The following TMPRSS11E variants were observed in gnomAD, a reference collection of about 807,000 sequenced individuals.
TMPRSS11E encodes the protein transmembrane serine protease 11E.
A neutral mutation model predicts 48.1 loss-of-function variants in TMPRSS11E; 38 were observed. The observed-to-expected ratio is 0.79, with a 90% confidence interval of 0.61 to 1.04. TMPRSS11E has a LOEUF of 1.04. Ranked by LOEUF, TMPRSS11E falls within the 50% of genes least tolerant of loss-of-function variation. The pLI is 0.00. For missense variants in TMPRSS11E, 530 were observed against 510.8 expected (o/e 1.04, Z -0.36); for synonymous variants, 158 against 171.9 (o/e 0.92, Z 0.63).
In TMPRSS11E at chr4:68,461,949, A is replaced by C. The variant is rs772147596; in HGVS notation, c.136+4A>C. ...ACTGTTCATTATGTGAGATATAGTA[A>C]GTATAAGCTGCCTTGGCATCATGTG... On this transcript the variant is annotated splice_donor_region_variant and intron_variant, in intron 2 of 9. Coordinates refer to ENST00000305363, the MANE Select transcript of TMPRSS11E (RefSeq NM_014058.4). The C allele has an allele frequency of 2.6e-5, 42 of 1,613,988 alleles. No homozygotes were observed. The highest frequency in any genetic ancestry group is 1.3e-4 in the Admixed American group (8 of 59,988).
chr4:68,455,228 C>A (rs979557138), intron 1 of TMPRSS11E, among the ~76,000 whole-genome samples: 2 of 151,726 alleles, frequency 1.3e-5, no homozygotes, highest in Non-Finnish European at 2.9e-5. Context: ...TGAAAAATTG[C>A]CTGAAGTCTG....
chr4:68,448,744 G>A (rs1269109426), intron 1 of TMPRSS11E, among the ~76,000 whole-genome samples: 2 of 151,610 alleles, frequency 1.3e-5, no homozygotes, highest in Non-Finnish European at 3.0e-5. Context: ...ATCTCTCATG[G>A]AAAAAACCAA....
chr4:68,477,533 A>G lies in TMPRSS11E; in HGVS notation c.872A>G (p.Asn291Ser), dbSNP rs745486335. 6.2e-7 allele frequency: 1 copy of G among 1,614,108 alleles called. No individual in the cohort carries two copies. Among genetic ancestry groups the G allele is most frequent in the Non-Finnish European group, 8.5e-7 (1 of 1,179,956 alleles). The change falls in exon 8 of 10, where the codon AAT becomes AGT. Residue 291 changes from asparagine (N) to serine (S), a missense_variant. Coordinates refer to ENST00000305363, the MANE Select transcript of TMPRSS11E (RefSeq NM_014058.4). ...CTTTCTAGCCCTGTTCCCTACACAA[A>G]TGCAGTACATAGAGTTTGTCTCCCT... ...AELSSPVPYT[N>S]AVHRVCLPDA...
At chr4:68,478,211 A>G (rs1457239902) in intron 8 of TMPRSS11E, among the ~76,000 whole-genome samples, 2 of 142,782 alleles carry the variant, frequency 1.4e-5, no homozygotes, top group Non-Finnish European at 3.0e-5. Context: ...GCAGAAGTGC[A>G]ATGGTGCGAT....
At chr4:68,494,922 T>TG (rs1729825991) in intron 9 of TMPRSS11E, among the ~76,000 whole-genome samples, 1 of 152,208 alleles carries the variant, frequency 6.6e-6, no homozygotes, top group Non-Finnish European at 1.5e-5. Context: ...TACATCTCTC[T>TG]GGGGAGGGAG....
intron 1 of TMPRSS11E, among the ~76,000 whole-genome samples, chr4:68,458,030 A>C (rs1294193788): frequency 6.6e-6 from 1 of 152,160 alleles, no homozygotes; most frequent in Non-Finnish European, 1.5e-5. Flanking sequence ...GTGTATACCT[A>C]TGTAACACAC....
At position 68,477,429 on chromosome 4, in the gene TMPRSS11E, G is replaced by T. The variant is rs1729254512; in HGVS notation, c.768G>T (p.Met256Ile). 1.2e-6 allele frequency: 2 copies of T among 1,614,042 alleles called. No individual in the cohort carries two copies. The highest frequency in any genetic ancestry group is 1.3e-5 in the African/African-American group (1 of 75,022). Residue 256 changes from methionine to isoleucine, a missense_variant, in exon 8 of 10, where the codon ATG becomes ATT. Transcript: ENST00000305363. Reference sequence around the variant, plus strand: ...GAGTAACAATAAAACCTTCGAAAATGAAACGGGGTCTCCGGAGAATAATTG... The same window carrying T: ...GAGTAACAATAAAACCTTCGAAAATTAAACGGGGTCTCCGGAGAATAATTG... ...SFGVTIKPSK[M>I]KRGLRRIIVH... is the part of the protein sequence containing the mutation.
At chr4:68,461,775 G>A in intron 1 of TMPRSS11E, 46 bp from the exon 2 acceptor site, 1 of 1,613,064 alleles carries the variant, frequency 6.2e-7, no homozygotes. Context: ...ATGAGTGGAT[G>A]TGTTGCATGC....
At position 68,471,594 on chromosome 4, in the gene TMPRSS11E, A is replaced by C. The variant is rs763277948; in HGVS notation, c.461A>C (p.Lys154Thr). ...CTGCAAGATGCTGTAGGACCCCCTA[A>C]AGTAGATCCTCACTCAGTTAAAATT... is the stretch of plus-strand genomic sequence containing the variant. ...EKLQDAVGPP[K>T]VDPHSVKIKK... Residue 154 changes from lysine to threonine, a missense_variant, in exon 5 of 10, where the codon AAA becomes ACA. Transcript: ENST00000305363. 1.2e-6 allele frequency: 2 copies of C among 1,600,494 alleles called. No homozygotes were observed. The highest frequency in any genetic ancestry group is 1.7e-6 in the Non-Finnish European group (2 of 1,175,354).
chr4:68,477,667 G>A, intron 8 of TMPRSS11E, 39 bp downstream of exon 8: 1 of 1,601,830 alleles, frequency 6.2e-7, no homozygotes, highest in East Asian at 2.2e-5. Context: ...AAGTTAAATT[G>A]GTATTTTATG....
chr4:68,478,700 C>G, intron 8 of TMPRSS11E, 149 bp from the exon 9 acceptor site: 2 of 775,300 alleles, frequency 2.6e-6, no homozygotes, highest in Non-Finnish European at 4.2e-6. Context: ...AGCGATCCTC[C>G]AATCTCGGCC....
Position 68,474,772 on chromosome 4 carries a change from T to C in TMPRSS11E, c.529+11T>C, listed in dbSNP as rs748342467. 5 of 1,592,840 alleles carry C rather than the reference T, an allele frequency of 3.1e-6. No homozygotes were observed. Among genetic ancestry groups the C allele is most frequent in the Non-Finnish European group, 2.6e-6 (3 of 1,172,678 alleles). The stretch of plus-strand genomic sequence containing the variant: ...GCTATCTAAACCATTGTAAGTTTAA[T>C]ATATTTATTAAAATAGCATTACCTG... On this transcript the variant is annotated intron_variant, in intron 6 of 9. Coordinates refer to ENST00000305363, the MANE Select transcript of TMPRSS11E (RefSeq NM_014058.4).
chr4:68,471,657 A>C (rs911460634), intron 5 of TMPRSS11E, 34 bp downstream of exon 5: 3 of 1,508,108 alleles, frequency 2.0e-6, no homozygotes, highest in Non-Finnish European at 2.7e-6. Context: ...CTTTCATAGA[A>C]CAGCTTCATG....
rs1728935309 is a variant in TMPRSS11E, at chr4:68,466,673, CAACTGACA to C, written c.184_191del (p.Asp62IlefsTer3). ...AATTACTATAGCACATTGTCATTTACAACTGACAAACTATATGCTGAGTTTGGCAGAGA... is the reference window on the plus strand; with the variant it reads ...AATTACTATAGCACATTGTCATTTACAACTATATGCTGAGTTTGGCAGAGA... On this transcript the variant is annotated frameshift_variant, in exon 3 of 10. Transcript: ENST00000305363. LOFTEE classifies it high-confidence loss of function. 2 of 1,613,232 alleles carry C rather than the reference CAACTGACA, an allele frequency of 1.2e-6. No homozygotes were observed. The highest frequency in any genetic ancestry group is 4.5e-5 in the East Asian group (2 of 44,844).
intron 1 of TMPRSS11E, among the ~76,000 whole-genome samples, chr4:68,456,514 G>A (rs1728635707): frequency 1.3e-5 from 2 of 151,862 alleles, no homozygotes; most frequent in African/African-American, 4.8e-5. Flanking sequence ...ATGATATTCT[G>A]TTTTATTTCT....
At chr4:68,492,401 A>G (rs1729752062) in intron 9 of TMPRSS11E, among the ~76,000 whole-genome samples, 1 of 152,172 alleles carries the variant, frequency 6.6e-6, no homozygotes, top group Non-Finnish European at 1.5e-5. Context: ...AAAATGTGAT[A>G]CTGTGCCTTT....
chr4:68,485,045 T>C (rs1355592914), intron 9 of TMPRSS11E, among the ~76,000 whole-genome samples: 2 of 152,226 alleles, frequency 1.3e-5, no homozygotes, highest in African/African-American at 4.8e-5. Context: ...GGAATGCTTC[T>C]AGCTTTTGCC....
At chr4:68,448,912 T>G (rs1463850521) in intron 1 of TMPRSS11E, among the ~76,000 whole-genome samples, 1 of 151,856 alleles carries the variant, frequency 6.6e-6, no homozygotes, top group Non-Finnish European at 1.5e-5. Context: ...TCACATTTGC[T>G]GTCGTAAATG....
At chr4:68,458,423 G>T (rs1728693779) in intron 1 of TMPRSS11E, among the ~76,000 whole-genome samples, 1 of 152,076 alleles carries the variant, frequency 6.6e-6, no homozygotes, top group Non-Finnish European at 1.5e-5. Context: ...AGATTGAAAA[G>T]AAAATCATAT....
Sources: allele counts gnomAD v4.1 joint callset (sites outside exome capture counted in the v4.1 genomes callset), GRCh38; gene constraint gnomAD v4.1.1; transcripts MANE v1.5; gene names NCBI Gene and HGNC (gene_info 2026-07-23, HGNC 2026-07-21).